Variants in TMPRSS15 observed in about 807,000 individuals in gnomAD.
TMPRSS15 encodes the protein enteropeptidase.
A neutral mutation model predicts 125.3 loss-of-function variants in TMPRSS15; 128 were observed. The observed-to-expected ratio is 1.02, with a 90% CI of 0.89 to 1.18. The LOEUF (loss-of-function observed/expected upper bound fraction) is 1.18, where lower values mean the gene tolerates loss of function less well. TMPRSS15 is among the 50% of genes most tolerant of loss of function. TMPRSS15 has a pLI of 0.00. For missense variants in TMPRSS15, 1,283 were observed against 1,212.7 expected, an observed-to-expected ratio of 1.06 and a Z score of -0.86; for synonymous variants, 446 against 423.2, an observed-to-expected ratio of 1.05 and a Z score of -0.66.
At chr21:18,345,740 C>CAAAAAA (rs1235619873) in intron 10 of TMPRSS15, among the ~76,000 whole-genome samples, 831 of 15,540 alleles carry the variant, frequency 0.053, 197 homozygotes, top group African/African-American at 0.12. Flanking sequence ...GACTCCGTCT[C>CAAAAAA]AAAAAAAAAA....
chr21:18,392,502 T>G (rs1268882928), intron 3 of TMPRSS15, among the ~76,000 whole-genome samples: 1 of 152,146 alleles, frequency 6.6e-6, no homozygotes, highest in Non-Finnish European at 1.5e-5. Context: ...CATATCACTC[T>G]TAGCATTTTG....
At chr21:18,430,002 G>A (rs1043593787) in intron 1 of TMPRSS15, among the ~76,000 whole-genome samples, 1 of 152,142 alleles carries the variant, frequency 6.6e-6, no homozygotes, top group Non-Finnish European at 1.5e-5. Flanking sequence ...TTAAAAATAT[G>A]TATGTTGTAT....
intron 14 of TMPRSS15, 68 bp from the exon 15 acceptor site, chr21:18,329,362 T>C (rs1254651616): frequency 4.7e-6 from 7 of 1,480,546 alleles, no homozygotes; most frequent in African/African-American, 1.4e-5. Context: ...CTTCACTCTC[T>C]TGAGAATTTC....
chr21:18,307,580 T>TA (rs1204021557), intron 18 of TMPRSS15, among the ~76,000 whole-genome samples: 1 of 152,164 alleles, frequency 6.6e-6, no homozygotes, highest in Non-Finnish European at 1.5e-5. Context: ...CATCACCACA[T>TA]AAGCATGTAA....
chr21:18,399,199 G>C (rs187964924), intron 1 of TMPRSS15, among the ~76,000 whole-genome samples: 85 of 152,038 alleles, frequency 5.6e-4, no homozygotes, highest in Admixed American at 5.5e-3. Flanking sequence ...TCTGAGATAG[G>C]GTAATTGGAG....
At chr21:18,417,293 AC>A (rs1005469320) in intron 1 of TMPRSS15, among the ~76,000 whole-genome samples, 4 of 152,100 alleles carry the variant, frequency 2.6e-5, no homozygotes, top group African/African-American at 9.7e-5. Flanking sequence ...GCAACAATTA[AC>A]CATTCCAGAA....
intron 1 of TMPRSS15, among the ~76,000 whole-genome samples, chr21:18,455,273 A>G (rs1208518322): frequency 6.6e-6 from 1 of 152,168 alleles, no homozygotes; most frequent in African/African-American, 2.4e-5. Context: ...TAGTAGCATG[A>G]GAATGGACTA....
At chr21:18,351,848 G>A (rs894330222) in intron 10 of TMPRSS15, among the ~76,000 whole-genome samples, 4 of 152,090 alleles carry the variant, frequency 2.6e-5, no homozygotes, top group African/African-American at 7.2e-5. Flanking sequence ...TAGGAAAAAT[G>A]GAAGAGGTGC....
intron 1 of TMPRSS15, among the ~76,000 whole-genome samples, chr21:18,415,048 C>A (rs2123179421): frequency 6.6e-6 from 1 of 152,004 alleles, no homozygotes; most frequent in African/African-American, 2.4e-5. Context: ...ACAGTAGACA[C>A]CCTAAAGGTG....
intron 23 of TMPRSS15, among the ~76,000 whole-genome samples, chr21:18,276,197 T>G (rs375064386): frequency 6.6e-6 from 1 of 152,336 alleles, no homozygotes; most frequent in East Asian, 1.9e-4. Context: ...AAAAAGTGTG[T>G]TCGTGCACAC....
At position 18,330,946 on chromosome 21, in the gene TMPRSS15, G is replaced by A. The variant is rs181189738; in HGVS notation, c.1654+1138C>T. Reference sequence around the variant, plus strand: ...AAATTAGCGGGGCCTGGTGGCGGGCGCCTGTAGTCCCAGCTACTCGGGAGG... The same window carrying A: ...AAATTAGCGGGGCCTGGTGGCGGGCACCTGTAGTCCCAGCTACTCGGGAGG... On this transcript the variant is annotated intron_variant, in intron 14 of 24. Coordinates refer to ENST00000284885, the MANE Select transcript of TMPRSS15 (RefSeq NM_002772.3). Among the ~76,000 whole-genome samples the A allele has an allele frequency of 2.0e-3, 308 of 151,802 alleles. 2 individuals carry two copies. The highest frequency in any genetic ancestry group is 3.4e-3 in the Middle Eastern group (1 of 294).
At chr21:18,304,658 A>G (rs973760246) in intron 18 of TMPRSS15, among the ~76,000 whole-genome samples, 4 of 152,210 alleles carry the variant, frequency 2.6e-5, no homozygotes, top group African/African-American at 9.6e-5. Context: ...TTCATATCAT[A>G]TTGCAGTTGC....
chr21:18,322,403 A>G (rs2075247889), intron 16 of TMPRSS15, among the ~76,000 whole-genome samples: 1 of 152,352 alleles, frequency 6.6e-6, no homozygotes, highest in Non-Finnish European at 1.5e-5. Context: ...GAAAAGCAGT[A>G]TATCAAAGAG....
At chr21:18,393,868 C>T (rs2076010590) in intron 3 of TMPRSS15, among the ~76,000 whole-genome samples, 1 of 152,094 alleles carries the variant, frequency 6.6e-6, no homozygotes, top group Non-Finnish European at 1.5e-5. Context: ...TCTAAATATA[C>T]CAATACAAAT....
intron 1 of TMPRSS15, among the ~76,000 whole-genome samples, chr21:18,455,463 C>G (rs1978423905): frequency 6.6e-6 from 1 of 152,146 alleles, no homozygotes; most frequent in African/African-American, 2.4e-5. Context: ...AACATATCTG[C>G]AGTTAGGAAA....
intron 1 of TMPRSS15, among the ~76,000 whole-genome samples, chr21:18,473,671 T>C (rs1978822107): frequency 6.6e-6 from 1 of 152,114 alleles, no homozygotes. Context: ...ACCTGAGAAG[T>C]ATTTTTTTCT....
intron 7 of TMPRSS15, among the ~76,000 whole-genome samples, chr21:18,360,381 G>A (rs932617982): frequency 6.6e-6 from 1 of 152,004 alleles, no homozygotes; most frequent in African/African-American, 2.4e-5. Context: ...TGTAACTAAT[G>A]CTGAAATGAA....
chr21:18,343,765 C>A (rs538470875), intron 11 of TMPRSS15, 109 bp from the exon 12 acceptor site: 1 of 1,397,882 alleles, frequency 7.2e-7, no homozygotes, highest in Admixed American at 1.8e-5. Context: ...TTTTTTCCTT[C>A]TGGGTTTTGG....
At chr21:18,378,002 T>C (rs763593353) in intron 5 of TMPRSS15, among the ~76,000 whole-genome samples, 113 of 152,266 alleles carry the variant, frequency 7.4e-4, no homozygotes, top group Middle Eastern at 3.4e-3. Context: ...CCTAATTCAT[T>C]GTACATATTA....
Sources: allele counts gnomAD v4.1 joint callset (sites outside exome capture counted in the v4.1 genomes callset), GRCh38; gene constraint gnomAD v4.1.1; transcripts MANE v1.5; gene names NCBI Gene and HGNC (gene_info 2026-07-23, HGNC 2026-07-21).